The following FAAP20 variants were observed in gnomAD, a reference collection of about 807,000 sequenced individuals.
The protein encoded by FAAP20 is FA core complex associated protein 20, also known as Fanconi anemia core complex-associated protein 20.
Under a neutral mutation model 16.2 loss-of-function variants are expected in FAAP20, and 12 were observed. That is an observed-to-expected ratio of 0.74 (90% CI 0.48 to 1.20). The LOEUF is 1.20. Ranked by LOEUF, FAAP20 falls within the 50% of genes most tolerant of loss-of-function variation. FAAP20 has a pLI of 0.00. For missense variants in FAAP20, 288 were observed against 245.8 expected, an observed-to-expected ratio of 1.17 and a Z score of -1.15; for synonymous variants, 141 against 110.7, an observed-to-expected ratio of 1.27 and a Z score of -1.72.
upstream of FAAP20, among the ~76,000 whole-genome samples, chr1:2,201,462 G>A (rs926519555): frequency 1.3e-5 from 2 of 152,208 alleles, no homozygotes; most frequent in Non-Finnish European, 2.9e-5. Flanking sequence ...GCTCACACCT[G>A]TCAAATCTCA....
intron 3 of FAAP20, 23 bp downstream of exon 3, chr1:2,193,616 G>A (rs1335956717): frequency 6.3e-7 from 1 of 1,584,470 alleles, no homozygotes; most frequent in Admixed American, 1.9e-5. Context: ...TAACCGGGCC[G>A]GGCGCAGGGG....
At chr1:2,186,907 T>G (rs183449690), downstream of FAAP20, 670 of 215,764 alleles carry the variant, frequency 3.1e-3, 6 homozygotes, top group African/African-American at 0.015. Flanking sequence ...AATATGTGAG[T>G]AATGCTGTGC....
At chr1:2,188,054 C>T (rs1459938192), downstream of FAAP20, among the ~76,000 whole-genome samples, 3 of 152,264 alleles carry the variant, frequency 2.0e-5, no homozygotes, top group East Asian at 5.8e-4. Context: ...GTGTTTTTTG[C>T]GGCCTATCTG....
Position 2,193,615 on chromosome 1 carries a change from C to T in FAAP20, c.470+24G>A, listed in dbSNP as rs375719713. 1.2e-4 allele frequency: 192 copies of T among 1,583,976 alleles called. 1 individual carries two copies. Among genetic ancestry groups the T allele is most frequent in the East Asian group, 1.2e-3 (53 of 44,558 alleles). ...TCCAAACACGGATGGATAACCGGGC[C>T]GGGCGCAGGGGTGGCCTACTCACCT... is the stretch of plus-strand genomic sequence containing the variant. On this transcript the variant is annotated intron_variant, in intron 3 of 3. Coordinates refer to ENST00000378546, the MANE Select transcript of FAAP20 (RefSeq NM_182533.4).
chr1:2,211,986 T>C (rs1392662281), downstream of FAAP20, among the ~76,000 whole-genome samples: 5 of 142,550 alleles, frequency 3.5e-5, no homozygotes, highest in South Asian at 2.3e-4. Flanking sequence ...CACTGCAAGC[T>C]CCACCTCCCA....
At chr1:2,206,087 AG>A (rs555796759) in intron 3 of FAAP20, among the ~76,000 whole-genome samples, 54 of 152,254 alleles carry the variant, frequency 3.5e-4, no homozygotes, top group African/African-American at 1.2e-3. Flanking sequence ...CTAGCATGGG[AG>A]GGGGGCAGGG....
upstream of FAAP20, chr1:2,200,597 G>T: frequency 1.0e-6 from 1 of 978,138 alleles, no homozygotes; most frequent in African/African-American, 1.7e-5. Flanking sequence ...TGAACTGTGA[G>T]AATATACATG....
upstream of FAAP20, among the ~76,000 whole-genome samples, chr1:2,196,739 C>T (rs1688843086): frequency 6.6e-6 from 1 of 152,172 alleles, no homozygotes; most frequent in African/African-American, 2.4e-5. The surrounding 1 kb of genome is among the most constrained non-coding windows in gnomAD (Gnocchi z 4.5). Flanking sequence ...ACTTGGGTGG[C>T]TGAGGCACGA....
intron 3 of FAAP20, chr1:2,193,112 G>A (rs1688430355): frequency 2.3e-6 from 2 of 882,516 alleles, no homozygotes; most frequent in Non-Finnish European, 3.1e-6. Flanking sequence ...TGCTCCGGAG[G>A]CCAAGGGCCC....
upstream of FAAP20, chr1:2,194,855 C>T (rs1253345708): frequency 3.9e-6 from 4 of 1,023,766 alleles, no homozygotes; most frequent in African/African-American, 1.7e-5. Flanking sequence ...GGCCGCCCCC[C>T]TCCGAGACAG....
At chr1:2,211,548 G>C (rs978753437), downstream of FAAP20, among the ~76,000 whole-genome samples, 2 of 136,866 alleles carry the variant, frequency 1.5e-5, no homozygotes, top group Non-Finnish European at 3.1e-5. Flanking sequence ...CCAGGTTCAC[G>C]CCATTCTCCT....
At chr1:2,197,092 G>T (rs1368761806), upstream of FAAP20, among the ~76,000 whole-genome samples, 1 of 152,170 alleles carries the variant, frequency 6.6e-6, no homozygotes, top group Non-Finnish European at 1.5e-5. Flanking sequence ...AGCCCCCTGG[G>T]ACCCATCTCC....
At chr1:2,192,769 A>C in intron 3 of FAAP20, 1 of 1,099,548 alleles carries the variant, frequency 9.1e-7, no homozygotes, top group Non-Finnish European at 1.2e-6. Flanking sequence ...ACGCGCCACC[A>C]CGCCCAGGCA....
At chr1:2,197,898 T>A, upstream of FAAP20, 1 of 1,162,414 alleles carries the variant, frequency 8.6e-7, no homozygotes, top group Non-Finnish European at 1.1e-6. Flanking sequence ...CCCAATCCCC[T>A]CCCGCCTGAC....
upstream of FAAP20, among the ~76,000 whole-genome samples, chr1:2,197,768 G>A (rs1688881690): frequency 6.6e-6 from 1 of 152,242 alleles, no homozygotes; most frequent in Non-Finnish European, 1.5e-5. Context: ...CCACTGGGGA[G>A]GGGGCAGTGG....
Position 2,194,668 on chromosome 1 carries a change from C to T in FAAP20, c.62+20G>A, listed in dbSNP as rs1295818649. The T allele has an allele frequency of 1.8e-6, 2 of 1,129,102 alleles. No homozygotes were observed. The highest frequency in any genetic ancestry group is 1.7e-5 in the African/African-American group (1 of 60,344). 69.9% of individuals were successfully genotyped at this position (1,129,102 alleles called of 1,614,324 possible). The stretch of plus-strand genomic sequence containing the variant: ...GGAGCGGGAAAACCGGCCGCGCCCC[C>T]GCCCGGCTCCCGGCCTCACCCGCCC... On this transcript the variant is annotated intron_variant, in intron 1 of 3. Transcript: ENST00000378546.
downstream of FAAP20, among the ~76,000 whole-genome samples, chr1:2,188,497 C>T (rs1488819294): frequency 6.6e-6 from 1 of 152,178 alleles, no homozygotes; most frequent in African/African-American, 2.4e-5. Flanking sequence ...GTGTCCCCCA[C>T]GGTAGAAGGA....
chr1:2,189,598 T>TGCAGGGGAGCCGAGAGGCGGGGCTGCTG lies in FAAP20; in HGVS notation c.*110_*111insCAGCAGCCCCGCCTCTCGGCTCCCCTGC. ...GGAGCCCGCCCTGCTTTAATGCGCA[T>TGCAGGGGAGCCGAGAGGCGGGGCTGCTG]GCGGGGGAGCCGAGAGGCGGGGCTG... On this transcript the variant is annotated 3_prime_UTR_variant, in exon 4 of 4. Transcript: ENST00000378546. 1.2e-6 allele frequency: 1 copy of TGCAGGGGAGCCGAGAGGCGGGGCTGCTG among 867,198 alleles called. No homozygotes were observed. Among genetic ancestry groups the TGCAGGGGAGCCGAGAGGCGGGGCTGCTG allele is most frequent in the Non-Finnish European group, 1.9e-6 (1 of 517,140 alleles). 53.7% of individuals were successfully genotyped at this position (867,198 alleles called of 1,614,324 possible).
At chr1:2,210,182 C>T (rs543266398), downstream of FAAP20, among the ~76,000 whole-genome samples, 364 of 152,330 alleles carry the variant, frequency 2.4e-3, 1 homozygote, top group African/African-American at 8.2e-3. Flanking sequence ...GCGAGTGTGC[C>T]TGCCCGTGTC....
Sources: allele counts gnomAD v4.1 joint callset (sites outside exome capture counted in the v4.1 genomes callset), GRCh38; gene constraint gnomAD v4.1.1; non-coding constraint Gnocchi (gnomAD v3.1); transcripts MANE v1.5; gene names NCBI Gene and HGNC (gene_info 2026-07-23, HGNC 2026-07-21).